TRPM1: variants seen among roughly 807,000 people sequenced by gnomAD.
TRPM1 encodes transient receptor potential cation channel subfamily M member 1.
A neutral mutation model predicts 149.4 loss-of-function variants in TRPM1; 113 were observed. The observed-to-expected ratio is 0.76, with a 90% CI of 0.65 to 0.88. TRPM1 has a LOEUF of 0.88. TRPM1 is among the 40% of genes least tolerant of loss of function. TRPM1 has a pLI of 0.00. For missense variants in TRPM1, 1,976 were observed against 2,038.7 expected (o/e 0.97, Z 0.59); for synonymous variants, 741 against 759.5 (o/e 0.98, Z 0.40).
intron 4 of TRPM1, among the ~76,000 whole-genome samples, chr15:31,068,508 G>A (rs948053627): frequency 1.4e-4 from 22 of 152,064 alleles, no homozygotes; most frequent in Middle Eastern, 3.4e-3. Context: ...TTGGGAAGCC[G>A]AGGCAGGTGG....
At chr15:31,019,591 A>C (rs1468359443) in intron 27 of TRPM1, among the ~76,000 whole-genome samples, 1 of 152,170 alleles carries the variant, frequency 6.6e-6, no homozygotes, top group Non-Finnish European at 1.5e-5. Context: ...TAGTAGAGAC[A>C]GGATTTCACC....
At chr15:31,089,770 C>T (rs1001820552) in intron 1 of TRPM1, among the ~76,000 whole-genome samples, 12 of 152,178 alleles carry the variant, frequency 7.9e-5, no homozygotes, top group African/African-American at 2.7e-4. Flanking sequence ...TATCATTTTC[C>T]TCAACATGGT....
chr15:31,089,672 C>T (rs10519727), intron 1 of TRPM1, among the ~76,000 whole-genome samples: 1 of 152,170 alleles, frequency 6.6e-6, no homozygotes, highest in Non-Finnish European at 1.5e-5. Context: ...ACGGTTCACC[C>T]TATGATTGAG....
chr15:31,062,740 G>A, intron 8 of TRPM1, 38 bp from the exon 9 acceptor site: 1 of 1,609,906 alleles, frequency 6.2e-7, no homozygotes, highest in East Asian at 2.2e-5. Flanking sequence ...AACAAGGCAA[G>A]TTAAATCTAT....
Position 31,026,368 on chromosome 15 carries a change from C to T in TRPM1, c.3497-97G>A, listed in dbSNP as rs1476314757. The stretch of plus-strand genomic sequence containing the variant: ...CACAGCCCCACTTTAATTAAGCTCT[C>T]TTCTCCGCCACTCCTAAGGCAGTTC... On this transcript the variant is annotated intron_variant, in intron 26 of 27. Coordinates refer to ENST00000256552, the MANE Select transcript of TRPM1 (RefSeq NM_001252024.2). 3 of 1,446,938 alleles carry T rather than the reference C, an allele frequency of 2.1e-6. No individual in the cohort carries two copies. In the African/African-American group the frequency reaches 4.2e-5, roughly 20 times the overall value. The allele number at this position is 1,446,938 out of a possible 1,614,324, so 89.6% of individuals were successfully genotyped here.
intron 25 of TRPM1, among the ~76,000 whole-genome samples, chr15:31,027,328 G>C (rs2032819810): frequency 6.6e-6 from 1 of 152,156 alleles, no homozygotes; most frequent in African/African-American, 2.4e-5. Context: ...AAATAGCTAA[G>C]TGTAATAAAT....
chr15:31,049,495 C>G lies in TRPM1; in HGVS notation c.1452G>C (p.Glu484Asp). 6.2e-7 allele frequency: 1 copy of G among 1,614,016 alleles called. No homozygotes were observed. Among genetic ancestry groups the G allele is most frequent in the Admixed American group, 1.7e-5 (1 of 60,028 alleles). The change falls in exon 13 of 28, where the codon GAG becomes GAC. Residue 484 changes from glutamate to aspartate, a missense_variant. Coordinates refer to ENST00000256552, the MANE Select transcript of TRPM1 (RefSeq NM_001252024.2). Reference protein sequence around the residue: ...IELLNWVNALEQAMLDALVLD... With the variant: ...IELLNWVNALDQAMLDALVLD... The stretch of plus-strand genomic sequence containing the variant: ...AGACTAAAGCATCTAGCATCGCTTG[C>G]TCCAAAGCATTCACCTGCAGGGACC...
intron 2 of TRPM1, among the ~76,000 whole-genome samples, chr15:31,077,857 G>A (rs766358721): frequency 4.6e-5 from 7 of 151,844 alleles, no homozygotes; most frequent in Middle Eastern, 3.4e-3. Context: ...GTGTGCGCAC[G>A]CATGTGTGGT....
intron 1 of TRPM1, among the ~76,000 whole-genome samples, chr15:31,124,261 G>A (rs1477110866): frequency 6.6e-6 from 1 of 151,972 alleles, no homozygotes; most frequent in Non-Finnish European, 1.5e-5. Flanking sequence ...CTCTAGCAGG[G>A]ATGACAGAGT....
At chr15:31,017,857 A>C (rs2032420420) in intron 27 of TRPM1, among the ~76,000 whole-genome samples, 1 of 152,112 alleles carries the variant, frequency 6.6e-6, no homozygotes, top group Non-Finnish European at 1.5e-5. Flanking sequence ...CTTCCAAGAG[A>C]ATACCTATGT....
At chr15:31,017,234 G>C (rs921628272) in intron 27 of TRPM1, among the ~76,000 whole-genome samples, 1 of 152,070 alleles carries the variant, frequency 6.6e-6, no homozygotes, top group African/African-American at 2.4e-5. Context: ...GCTTGAACCC[G>C]GGAGGCGGAG....
intron 1 of TRPM1, among the ~76,000 whole-genome samples, chr15:31,129,564 T>G (rs1042964005): frequency 4.6e-5 from 7 of 152,216 alleles, no homozygotes; most frequent in Non-Finnish European, 5.9e-5. Flanking sequence ...TATTTTGACC[T>G]ACAAAGATGG....
At chr15:31,100,322 G>T (rs544303808) in intron 1 of TRPM1, among the ~76,000 whole-genome samples, 2 of 152,138 alleles carry the variant, frequency 1.3e-5, no homozygotes, top group African/African-American at 4.8e-5. Context: ...TGATCTGCCT[G>T]CCTCAGCCTC....
intron 27 of TRPM1, among the ~76,000 whole-genome samples, chr15:31,004,823 C>T (rs568367096): frequency 1.3e-5 from 2 of 152,252 alleles, no homozygotes; most frequent in African/African-American, 4.8e-5. Flanking sequence ...GGCTCCTGGC[C>T]GCACGCAGTG....
chr15:31,146,725 G>A (rs753145016), intron 1 of TRPM1, among the ~76,000 whole-genome samples: 1 of 152,158 alleles, frequency 6.6e-6, no homozygotes, highest in African/African-American at 2.4e-5. Context: ...GGTGGCTCAC[G>A]CCTGTATTCC....
chr15:31,008,622 T>C (rs56885260), intron 27 of TRPM1, among the ~76,000 whole-genome samples: 17,311 of 152,156 alleles, frequency 0.11, 1,039 homozygotes, highest in African/African-American at 0.15. Flanking sequence ...TATTGGTCTG[T>C]AGTTTTCTTT....
At chr15:31,099,481 C>T (rs559492190) in intron 1 of TRPM1, among the ~76,000 whole-genome samples, 1 of 152,190 alleles carries the variant, frequency 6.6e-6, no homozygotes, top group Admixed American at 6.5e-5. Flanking sequence ...TTTCTAAAAA[C>T]ATCTACTGCC....
intron 1 of TRPM1, among the ~76,000 whole-genome samples, chr15:31,091,934 G>T (rs758208970): frequency 1.1e-4 from 17 of 152,208 alleles, no homozygotes; most frequent in Non-Finnish European, 1.9e-4. Flanking sequence ...CATGCATGTG[G>T]CTCAACTGTT....
At chr15:31,072,012 T>G (rs1465340525) in intron 3 of TRPM1, among the ~76,000 whole-genome samples, 1,396 of 28,180 alleles carry the variant, frequency 0.05, 10 homozygotes, top group East Asian at 0.095. Flanking sequence ...TATATATATA[T>G]ATATATAGAG....
Sources: allele counts gnomAD v4.1 joint callset (sites outside exome capture counted in the v4.1 genomes callset), GRCh38; gene constraint gnomAD v4.1.1; transcripts MANE v1.5; gene names NCBI Gene and HGNC (gene_info 2026-07-23, HGNC 2026-07-21).